The following CDIN1 variants were observed in gnomAD, a reference collection of about 807,000 sequenced individuals.
CDIN1 encodes CDAN1 interacting nuclease 1.
In CDIN1, 33 loss-of-function variants were observed where a neutral mutation model predicts 45.3. The ratio of observed to expected loss-of-function variants is 0.73; its 90% CI spans 0.55 to 0.97. The LOEUF (loss-of-function observed/expected upper bound fraction) is 0.97. Ranked by LOEUF, CDIN1 falls within the 50% of genes least tolerant of loss-of-function variation. CDIN1 has a pLI of 0.00. For missense variants in CDIN1, 303 were observed against 339.4 expected (o/e 0.89, Z 0.84); for synonymous variants, 118 against 124.4 (o/e 0.95, Z 0.34).
chr15:36,581,472 A>G (rs1158474491), intron 1 of CDIN1, among the ~76,000 whole-genome samples: 1 of 152,214 alleles, frequency 6.6e-6, no homozygotes, highest in East Asian at 1.9e-4. Flanking sequence ...GATATACTCA[A>G]ATCTTTTTCA....
intron 1 of CDIN1, among the ~76,000 whole-genome samples, chr15:36,603,627 C>G (rs1482623873): frequency 6.6e-6 from 1 of 151,960 alleles, no homozygotes; most frequent in African/African-American, 2.4e-5. Context: ...TCCTGTGTTT[C>G]TTTCTGTATC....
At chr15:36,674,920 C>T (rs779637518) in intron 5 of CDIN1, among the ~76,000 whole-genome samples, 7 of 152,050 alleles carry the variant, frequency 4.6e-5, no homozygotes, top group South Asian at 2.1e-4. Flanking sequence ...TACCAATCTC[C>T]GAGAAAAATG....
intron 5 of CDIN1, among the ~76,000 whole-genome samples, chr15:36,679,405 C>A (rs2041771088): frequency 6.6e-6 from 1 of 152,138 alleles, no homozygotes; most frequent in Admixed American, 6.5e-5. Context: ...GCAAGGTAAG[C>A]ACCAATGTTA....
intron 9 of CDIN1, 70 bp from the exon 10 acceptor site, chr15:36,709,785 GC>G: frequency 1.8e-6 from 2 of 1,140,594 alleles, no homozygotes; most frequent in Non-Finnish European, 2.7e-6. Context: ...GCATAGAGAG[GC>G]CTGTACAGAG....
intron 10 of CDIN1, among the ~76,000 whole-genome samples, chr15:36,783,967 C>T (rs2054421824): frequency 6.6e-6 from 1 of 152,094 alleles, no homozygotes; most frequent in South Asian, 2.1e-4. Context: ...CCTGACTTTC[C>T]ACAGGTTTCC....
chr15:36,667,910 A>T (rs999389828), intron 5 of CDIN1, among the ~76,000 whole-genome samples: 5 of 152,270 alleles, frequency 3.3e-5, no homozygotes, highest in Admixed American at 3.3e-4. Flanking sequence ...GATTGTAGGT[A>T]ATTTCTGCTT....
At chr15:36,604,451 A>ACACACACG (rs1378010286) in intron 1 of CDIN1, among the ~76,000 whole-genome samples, 2 of 151,716 alleles carry the variant, frequency 1.3e-5, no homozygotes, top group Admixed American at 6.6e-5. Flanking sequence ...ACACACACAC[A>ACACACACG]CACACATTTT....
intron 10 of CDIN1, among the ~76,000 whole-genome samples, chr15:36,711,327 C>A (rs1300402168): frequency 6.6e-6 from 1 of 152,102 alleles, no homozygotes; most frequent in Non-Finnish European, 1.5e-5. Flanking sequence ...CCAGTCATAT[C>A]TTTTCTAAGG....
chr15:36,608,895 G>A (rs16963673), intron 1 of CDIN1, among the ~76,000 whole-genome samples: 3,077 of 150,818 alleles, frequency 0.02, 38 homozygotes, highest in Non-Finnish European at 0.031. Flanking sequence ...TTCCCTTTTC[G>A]CTTTGCCTTT....
At chr15:36,651,089 CTT>C (rs1250980891) in intron 3 of CDIN1, among the ~76,000 whole-genome samples, 1 of 152,034 alleles carries the variant, frequency 6.6e-6, no homozygotes, top group Non-Finnish European at 1.5e-5. Context: ...AAAATACAGT[CTT>C]TGAATTCTTA....
intron 10 of CDIN1, among the ~76,000 whole-genome samples, chr15:36,724,510 A>G (rs921555587): frequency 2.0e-5 from 3 of 152,192 alleles, no homozygotes; most frequent in Non-Finnish European, 4.4e-5. Flanking sequence ...TAGGTTAGCA[A>G]TAGCTTCAGT....
chr15:36,766,371 G>A (rs954146543), intron 10 of CDIN1, among the ~76,000 whole-genome samples: 16 of 152,290 alleles, frequency 1.1e-4, no homozygotes, highest in African/African-American at 3.6e-4. Context: ...GAACATGGGA[G>A]TGCAGATATC....
At position 36,670,173 on chromosome 15, in the gene CDIN1, T is replaced by G. The variant is rs534770109; in HGVS notation, c.346+12268T>G. Among the ~76,000 whole-genome samples, 4 of 152,218 alleles carry G rather than the reference T, an allele frequency of 2.6e-5. No homozygotes were observed. In the East Asian group the frequency reaches 7.7e-4, roughly 29 times the overall value. On this transcript the variant is annotated intron_variant, in intron 5 of 10. Coordinates refer to ENST00000566621, the MANE Select transcript of CDIN1 (RefSeq NM_001321759.2). ...ACAGTCCCACTAAACAACTTTTATT[T>G]AGATTTAGAACTTAAATTTGTAGCA...
intron 10 of CDIN1, among the ~76,000 whole-genome samples, chr15:36,719,174 A>T (rs72706772): frequency 3.5e-4 from 54 of 152,206 alleles, no homozygotes; most frequent in Admixed American, 9.8e-4. Flanking sequence ...GTGAGCCATG[A>T]TCATACCACA....
chr15:36,749,794 T>G (rs757197355), intron 10 of CDIN1, among the ~76,000 whole-genome samples: 1 of 152,200 alleles, frequency 6.6e-6, no homozygotes, highest in Admixed American at 6.5e-5. Context: ...CTATCTATGT[T>G]ATTTTCACCA....
intron 3 of CDIN1, among the ~76,000 whole-genome samples, chr15:36,646,346 A>G (rs551556081): frequency 2.6e-5 from 4 of 152,324 alleles, no homozygotes; most frequent in East Asian, 1.9e-4. Flanking sequence ...ATTCACTGCT[A>G]TATGTGGTAA....
chr15:36,607,527 A>G (rs935652842), intron 1 of CDIN1, among the ~76,000 whole-genome samples: 1 of 152,098 alleles, frequency 6.6e-6, no homozygotes, highest in African/African-American at 2.4e-5. Context: ...GTTCCACTAG[A>G]AGTGTGCCCG....
At chr15:36,720,974 G>A (rs576145880) in intron 10 of CDIN1, among the ~76,000 whole-genome samples, 12 of 152,176 alleles carry the variant, frequency 7.9e-5, no homozygotes, top group African/African-American at 2.2e-4. Context: ...GCCATTCTAC[G>A]TGGCATGAGA....
At chr15:36,619,195 C>A in intron 1 of CDIN1, 1 of 1,295,274 alleles carries the variant, frequency 7.7e-7, no homozygotes, top group Non-Finnish European at 1.1e-6. Context: ...CCAGTTTAGT[C>A]GTAGGGCTAT....
Sources: allele counts gnomAD v4.1 joint callset (sites outside exome capture counted in the v4.1 genomes callset), GRCh38; gene constraint gnomAD v4.1.1; transcripts MANE v1.5; gene names NCBI Gene and HGNC (gene_info 2026-07-23, HGNC 2026-07-21).